The following KSR1 variants were observed in gnomAD, a reference collection of about 807,000 sequenced individuals.
The protein encoded by KSR1 is kinase suppressor of ras.
In KSR1, 35 loss-of-function variants were observed where a neutral mutation model predicts 92.9. The ratio of observed to expected loss-of-function variants is 0.38; its 90% CI spans 0.29 to 0.50. The LOEUF is 0.50. Among genes scored for constraint, KSR1 ranks in the 20% least tolerant of loss-of-function variants. The probability of loss-of-function intolerance (pLI) is 0.94; values close to 1 mark genes in which losing one functional copy is unlikely to be tolerated. For synonymous variants in KSR1, 467 were observed against 472.6 expected, an observed-to-expected ratio of 0.99 and a Z score of 0.15; for missense variants, 972 against 1,158.5, an observed-to-expected ratio of 0.84 and a Z score of 2.34.
intron 12 of KSR1, 25 bp downstream of exon 12, chr17:27,603,913 C>G: frequency 1.2e-6 from 2 of 1,611,798 alleles, no homozygotes; most frequent in Non-Finnish European, 1.7e-6. Context: ...GTGGTGTCCC[C>G]TTCGCTTCTT....
chr17:27,538,350 G>A (rs1449704533), intron 1 of KSR1, among the ~76,000 whole-genome samples: 2 of 152,218 alleles, frequency 1.3e-5, no homozygotes, highest in African/African-American at 2.4e-5. Context: ...TGCCATCCTT[G>A]TGGTTGCGAG....
chr17:27,622,037 A>G (rs1331520263), intron 20 of KSR1: 1 of 1,045,206 alleles, frequency 9.6e-7, no homozygotes, highest in Non-Finnish European at 1.5e-6. Context: ...GCACTAACCC[A>G]GGGGATGCCA....
At chr17:27,491,304 GGTGT>G (rs60738939) in intron 1 of KSR1, among the ~76,000 whole-genome samples, 2,636 of 110,008 alleles carry the variant, frequency 0.024, 53 homozygotes, top group Admixed American at 0.037. Context: ...TTTTGTTAGT[GGTGT>G]GTGTGTGTGT....
intron 1 of KSR1, among the ~76,000 whole-genome samples, chr17:27,483,386 G>A (rs950352236): frequency 1.3e-5 from 2 of 152,034 alleles, no homozygotes; most frequent in African/African-American, 2.4e-5. Flanking sequence ...TCGGGAGTTC[G>A]AGACCAGCCT....
intron 10 of KSR1, among the ~76,000 whole-genome samples, chr17:27,600,090 C>CTTTTTTTT (rs552526373): frequency 1.7e-5 from 2 of 115,332 alleles, no homozygotes; most frequent in Non-Finnish European, 3.5e-5. Flanking sequence ...TTACAGATAA[C>CTTTTTTTT]TTTTTTTTTT....
chr17:27,458,917 C>T (rs190740760), intron 1 of KSR1, among the ~76,000 whole-genome samples: 1 of 152,054 alleles, frequency 6.6e-6, no homozygotes, highest in Non-Finnish European at 1.5e-5. Context: ...TCTGGAAGCT[C>T]GAAATTCTCT....
At chr17:27,460,539 G>C (rs1188360062) in intron 1 of KSR1, among the ~76,000 whole-genome samples, 1 of 152,208 alleles carries the variant, frequency 6.6e-6, no homozygotes, top group East Asian at 1.9e-4. Flanking sequence ...GAGTCAGGCT[G>C]TGCTGGGAGG....
At chr17:27,622,075 AG>A in intron 20 of KSR1, 1 of 777,046 alleles carries the variant, frequency 1.3e-6, no homozygotes, top group Non-Finnish European at 2.2e-6. Flanking sequence ...GTCTCTCTCG[AG>A]GCTACTTCTT....
chr17:27,503,449 A>T (rs2069262814), intron 1 of KSR1, among the ~76,000 whole-genome samples: 1 of 152,212 alleles, frequency 6.6e-6, no homozygotes, highest in Admixed American at 6.5e-5. Flanking sequence ...CTCTAATCCC[A>T]GCACTTTGGG....
At chr17:27,517,455 T>G (rs376278624) in intron 1 of KSR1, among the ~76,000 whole-genome samples, 2 of 152,144 alleles carry the variant, frequency 1.3e-5, no homozygotes, top group South Asian at 4.1e-4. Flanking sequence ...CATGCCTGGC[T>G]AATTTTATAC....
rs1001085293 is a variant in KSR1, at chr17:27,459,850, G to A, written c.231+2976G>A. Among the ~76,000 whole-genome samples, 6 of 152,164 alleles carry A rather than the reference G, an allele frequency of 3.9e-5. No individual in the cohort carries two copies. Among genetic ancestry groups the A allele is most frequent in the African/African-American group, 1.4e-4 (6 of 41,414 alleles). ...GTGGGTCAGCGTGTCTGGTTGTCCG[G>A]GGATAGCTTTTCTCTGTGTGGTGGT... On this transcript the variant is annotated intron_variant, in intron 1 of 20. Transcript: ENST00000644974. This position sits in a 1 kb window ranked among gnomAD's most constrained non-coding sequence, Gnocchi z 4.6.
chr17:27,594,291 C>T (rs1477401089), intron 9 of KSR1, among the ~76,000 whole-genome samples: 1 of 152,076 alleles, frequency 6.6e-6, no homozygotes, highest in Non-Finnish European at 1.5e-5. Context: ...ATTATTTTCC[C>T]AGCCCGTCAC....
chr17:27,492,764 C>G (rs991783932), intron 1 of KSR1, among the ~76,000 whole-genome samples: 2 of 152,128 alleles, frequency 1.3e-5, no homozygotes, highest in African/African-American at 4.8e-5. Context: ...TAGATGTTGG[C>G]TTGGAATAGG....
chr17:27,526,643 C>G (rs1354864038), intron 1 of KSR1: 5 of 1,561,070 alleles, frequency 3.2e-6, no homozygotes, highest in Non-Finnish European at 4.4e-6. Flanking sequence ...TTTTAAAGCA[C>G]CTTCCTGAGA....
intron 1 of KSR1, among the ~76,000 whole-genome samples, chr17:27,466,641 G>C (rs1471894709): frequency 6.6e-6 from 1 of 152,234 alleles, no homozygotes; most frequent in Non-Finnish European, 1.5e-5. Flanking sequence ...AGGGGGTTTG[G>C]GGGAGAGGGC....
intron 1 of KSR1, among the ~76,000 whole-genome samples, chr17:27,462,910 A>G (rs1278243405): frequency 6.6e-6 from 1 of 152,356 alleles, no homozygotes. Context: ...ATCAGCACAT[A>G]TACATATGCA....
intron 1 of KSR1, among the ~76,000 whole-genome samples, chr17:27,477,872 A>G (rs2068392643): frequency 1.3e-5 from 2 of 151,988 alleles, no homozygotes; most frequent in Non-Finnish European, 2.9e-5. Flanking sequence ...GCCACTACAC[A>G]TAGCTAATTC....
intron 1 of KSR1, among the ~76,000 whole-genome samples, chr17:27,483,196 C>T (rs2068559850): frequency 6.6e-6 from 1 of 152,048 alleles, no homozygotes; most frequent in Admixed American, 6.5e-5. Flanking sequence ...CATAGCAACT[C>T]ATCAACAGGT....
intron 1 of KSR1, among the ~76,000 whole-genome samples, chr17:27,487,409 T>C (rs145723307): frequency 3.2e-4 from 49 of 152,158 alleles, no homozygotes; most frequent in African/African-American, 1.1e-3. Flanking sequence ...CACACCAGCC[T>C]GCGTGACAGG....
Sources: allele counts gnomAD v4.1 joint callset (sites outside exome capture counted in the v4.1 genomes callset), GRCh38; gene constraint gnomAD v4.1.1; non-coding constraint Gnocchi (gnomAD v3.1); transcripts MANE v1.5; gene names NCBI Gene and HGNC (gene_info 2026-07-23, HGNC 2026-07-21).